Variants in GBP3 observed in about 807,000 individuals in gnomAD.
The protein encoded by GBP3 is guanylate-binding protein 3.
Under a neutral mutation model 62.4 loss-of-function variants are expected in GBP3, and 55 were observed. The observed-to-expected ratio is 0.88, with a 90% CI of 0.71 to 1.10. The LOEUF (loss-of-function observed/expected upper bound fraction) is 1.10, where lower values mean the gene tolerates loss of function less well. GBP3 is among the 50% of genes least tolerant of loss of function. The pLI, the probability that GBP3 is intolerant of heterozygous loss-of-function variation, is 0.00. For missense variants in GBP3, 605 were observed against 690.6 expected (o/e 0.88, Z 1.39); for synonymous variants, 208 against 259.2 (o/e 0.80, Z 1.90).
intron 1 of GBP3, among the ~76,000 whole-genome samples, chr1:89,021,192 T>C (rs1679170470): frequency 1.3e-5 from 2 of 152,104 alleles, no homozygotes; most frequent in Non-Finnish European, 2.9e-5. Flanking sequence ...TTTCCAGAGA[T>C]TTATAAATGT....
In GBP3 at chr1:89,020,827, A is replaced by G. The variant is rs539382045; in HGVS notation, c.-22-84T>C. On this transcript the variant is annotated intron_variant, in intron 1 of 10. Transcript: ENST00000370481. ...AGTCACAGAATTCCCCAGGATGGCC[A>G]AAAGTTTTGTGTGTGTCAGTGAGAG... 3 of 1,240,680 alleles carry G rather than the reference A, an allele frequency of 2.4e-6. No individual in the cohort carries two copies. The South Asian group carries it at 4.3e-5, about 18-fold the overall frequency. The allele number at this position is 1,240,680 out of a possible 1,614,324, so 76.9% of individuals were successfully genotyped here. A position where few individuals can be genotyped will look rare whatever the true frequency, so the allele number is the denominator to read the frequency against.
rs1678685107 is a variant in GBP3, at chr1:89,013,320, G to A, written c.733C>T (p.Leu245Phe). The A allele has an allele frequency of 1.9e-6, 3 of 1,614,222 alleles. No homozygotes were observed. Among genetic ancestry groups the A allele is most frequent in the African/African-American group, 1.3e-5 (1 of 75,062 alleles). The change falls in exon 6 of 11, where the codon CTT becomes TTT. Residue 245 changes from leucine to phenylalanine, a missense_variant. Coordinates refer to ENST00000370481, the MANE Select transcript of GBP3 (RefSeq NM_018284.3). ...VFDLPIHRRK[L>F]AQLEKLQDEE... The stretch of plus-strand genomic sequence containing the variant: ...TCTTGTAGTTTCTCAAGCTGGGCAA[G>A]CTTCCTGCGGTGAATGGGCAGATCG...
rs76475726 is a variant in GBP3, at chr1:89,014,264, C to G, written c.444G>C (p.Leu148=). The change falls in exon 5 of 11, where the codon CTG becomes CTC. Residue 148 remains leucine (L), a synonymous_variant. Transcript: ENST00000370481. The part of the protein sequence containing the change: ...AMDQLYYVTE[L]THRIRSKSSP... ...AGGATTTTGATCGGATTCGATGTGT[C>G]AGCTCTGTCACATAGCTGAGTAGCT... 1 of 1,614,188 alleles carries G rather than the reference C, an allele frequency of 6.2e-7. No individual in the cohort carries two copies. The highest frequency in any genetic ancestry group is 1.7e-5 in the Admixed American group (1 of 60,022).
At chr1:89,009,672 C>T (rs1307850939) in intron 8 of GBP3, among the ~76,000 whole-genome samples, 178 bp from the exon 9 acceptor site, 1 of 152,152 alleles carries the variant, frequency 6.6e-6, no homozygotes, top group African/African-American at 2.4e-5. Flanking sequence ...ATCAGATGAC[C>T]CTACTTAGCA....
intron 8 of GBP3, 130 bp from the exon 9 acceptor site, chr1:89,009,624 C>T (rs995650564): frequency 3.0e-6 from 4 of 1,321,604 alleles, no homozygotes; most frequent in Non-Finnish European, 4.1e-6. Context: ...GGTCAAGATT[C>T]CCTATCACAG....
chr1:89,008,818 A>T (rs561116140), intron 10 of GBP3, 129 bp downstream of exon 10: 2 of 1,495,000 alleles, frequency 1.3e-6, no homozygotes, highest in East Asian at 4.8e-5. Flanking sequence ...AGACAGAAAC[A>T]AGAAAGTACA....
chr1:89,015,413 G>A lies in GBP3; in HGVS notation c.192C>T (p.Gly64=), dbSNP rs1557729853. Residue 64 remains glycine, a splice_region_variant and synonymous_variant, in exon 3 of 11, where the codon GGC becomes GGT. Transcript: ENST00000370481. ...LMNKLAGKNK[G]FSLGSTVKSH... The stretch of plus-strand genomic sequence containing the variant: ...ATTTCACTGTGGAGCCCAGAGAGAA[G>A]CCTGTAAAGGAGAGATGGGATAAGA... The A allele has an allele frequency of 6.2e-7, 1 of 1,612,050 alleles. No individual in the cohort carries two copies.
chr1:89,015,140 T>A (rs1678815977), intron 3 of GBP3, 147 bp downstream of exon 3: 1 of 708,712 alleles, frequency 1.4e-6, no homozygotes, highest in Non-Finnish European at 2.3e-6. Context: ...TCACTTCTGG[T>A]TGCTAAGTTT....
At chr1:89,018,840 C>T (rs779375153) in intron 2 of GBP3, among the ~76,000 whole-genome samples, 1 of 152,158 alleles carries the variant, frequency 6.6e-6, no homozygotes, top group Non-Finnish European at 1.5e-5. Flanking sequence ...AGGCTGTGAC[C>T]CCCCTGGACC....
At position 89,013,286 on chromosome 1, in the gene GBP3, A is replaced by G; in HGVS notation, c.767T>C (p.Leu256Pro). The G allele has an allele frequency of 6.2e-7, 1 of 1,614,238 alleles. No homozygotes were observed. Among genetic ancestry groups the G allele is most frequent in the Non-Finnish European group, 8.5e-7 (1 of 1,180,038 alleles). ...TACTTGTTGCACAAATTCAGGGTCC[A>G]GCTCTTCATCTTGTAGTTTCTCAAG... ...AQLEKLQDEE[L>P]DPEFVQQVAD... is the part of the protein sequence containing the mutation. The change falls in exon 6 of 11, where the codon CTG becomes CCG. Residue 256 changes from leucine to proline, a missense_variant. Leu to Pro is a moderately conservative substitution (Grantham distance 98). This residue lies in a region of GBP3 where 308 missense variants were observed against 318.0 expected (regional missense o/e 0.97). Transcript: ENST00000370481.
intron 2 of GBP3, chr1:89,020,200 C>T (rs1679102663): frequency 2.4e-6 from 1 of 418,536 alleles, no homozygotes; most frequent in Non-Finnish European, 4.7e-6. Flanking sequence ...GATCTTGCCA[C>T]TGTACTCCAG....
chr1:89,022,187 G>A lies in GBP3; in HGVS notation c.-23+497C>T, dbSNP rs183392573. 2.6e-4 allele frequency among the ~76,000 whole-genome samples: 40 copies of A among 152,250 alleles called. No individual in the cohort carries two copies. The East Asian group carries it at 5.6e-3, about 21-fold the overall frequency. On this transcript the variant is annotated intron_variant, in intron 1 of 10. Transcript: ENST00000370481. ...CATGAATGTTCCTCTTTGATGCTGG[G>A]TTTCAGTTTTTTCTTTGTCTATAAC...
At chr1:89,009,974 A>T (rs1678463581) in intron 8 of GBP3, among the ~76,000 whole-genome samples, 1 of 151,922 alleles carries the variant, frequency 6.6e-6, no homozygotes, top group South Asian at 2.1e-4. Flanking sequence ...ATGAATTACC[A>T]TTTTTTTTAA....
chr1:89,007,922 A>C (rs1180161433), intron 10 of GBP3, 70 bp from the exon 11 acceptor site: 14 of 1,407,072 alleles, frequency 9.9e-6, no homozygotes, highest in Non-Finnish European at 8.8e-6. Flanking sequence ...TCTAGTTTCC[A>C]CATGCATTGA....
chr1:89,018,452 C>A (rs1679004734), intron 2 of GBP3, among the ~76,000 whole-genome samples: 1 of 152,186 alleles, frequency 6.6e-6, no homozygotes, highest in African/African-American at 2.4e-5. Context: ...AGGGTTAAGG[C>A]ATACTCCCTT....
intron 2 of GBP3, among the ~76,000 whole-genome samples, chr1:89,019,245 A>G (rs1679051330): frequency 6.6e-6 from 1 of 152,248 alleles, no homozygotes; most frequent in Admixed American, 6.5e-5. Flanking sequence ...CAGATAAATT[A>G]GTATACACAT....
chr1:89,021,514 A>ACG (rs1679204600), intron 1 of GBP3, among the ~76,000 whole-genome samples: 1 of 91,660 alleles, frequency 1.1e-5, no homozygotes, highest in Non-Finnish European at 2.8e-5. Context: ...GCGCGCGCAC[A>ACG]CACACACACA....
chr1:89,020,069 G>A, intron 2 of GBP3: 1 of 244,238 alleles, frequency 4.1e-6, no homozygotes, highest in Non-Finnish European at 8.4e-6. Flanking sequence ...ATGAAACCCT[G>A]TGTCTACCAA....
At position 89,007,751 on chromosome 1, in the gene GBP3, T is replaced by A. The variant is rs1678300928; in HGVS notation, c.1761A>T (p.Arg587Ser). 1 of 1,613,360 alleles carries A rather than the reference T, an allele frequency of 6.2e-7. No homozygotes were observed. The highest frequency in any genetic ancestry group is 1.7e-5 in the Admixed American group (1 of 59,940). The change falls in exon 11 of 11, where the codon AGA becomes AGT. Residue 587 changes from arginine to serine, a missense_variant. Physicochemically the swap from Arg to Ser is moderately radical, Grantham distance 110 (BLOSUM62 -1). Around this residue, in one of 3 missense-constraint regions of GBP3, gnomAD observed 160 missense variants for 147.8 expected, o/e 1.08. Transcript: ENST00000370481. ...LQKTLKKKTK[R>S]YMSHKLKI is the part of the protein sequence containing the mutation. ...AGATCTTTAGCTTATGCGACATATA[T>A]CTCTTGGTTTTTTTTTTCAGGGTCT...
Sources: gnomAD v4.1 joint callset for allele counts (sites outside exome capture counted in the v4.1 genomes callset) on GRCh38, gnomAD v4.1.1 for gene constraint, gnomAD v4.1.1 regional missense constraint, MANE v1.5 for transcripts, NCBI Gene and HGNC (gene_info 2026-07-23, HGNC 2026-07-21) for gene names.